Variants in PCNX4 observed in about 807,000 individuals in gnomAD.
The protein encoded by PCNX4 is pecanex-like protein 4.
PCNX4 carries 103 observed loss-of-function variants against 107.2 expected under a neutral mutation model. The ratio of observed to expected loss-of-function variants is 0.96; its 90% CI spans 0.82 to 1.13. PCNX4 has a LOEUF of 1.13. Ranked by LOEUF, PCNX4 falls within the 50% of genes most tolerant of loss-of-function variation. PCNX4 has a pLI of 0.00. For missense variants in PCNX4, 1,528 were observed against 1,379.4 expected, an observed-to-expected ratio of 1.11 and a Z score of -1.71; for synonymous variants, 541 against 481.7, an observed-to-expected ratio of 1.12 and a Z score of -1.61.
intron 2 of PCNX4, chr14:60,108,922 C>T (rs1244951810): frequency 1.8e-5 from 3 of 166,678 alleles, no homozygotes. Context: ...TTGCAGCTTT[C>T]TTTTCTTAGG....
chr14:60,116,016 A>C lies in PCNX4; in HGVS notation c.1534A>C (p.Ile512Leu), dbSNP rs1190907943. 1 of 1,612,964 alleles carries C rather than the reference A, an allele frequency of 6.2e-7. No homozygotes were observed. The highest frequency in any genetic ancestry group is 8.5e-7 in the Non-Finnish European group (1 of 1,179,402). The change falls in exon 6 of 11, where the codon ATA (isoleucine) becomes CTA (leucine). Residue 512 changes from isoleucine to leucine, a missense_variant. Physicochemically the swap from Ile to Leu is conservative, Grantham distance 5. Coordinates refer to ENST00000406854, the MANE Select transcript of PCNX4 (RefSeq NM_001330177.2). ...STVHLISSTD[I>L]WWNRSLDTGL... ...AGTACACTTGATCTCCAGTACAGAC[A>C]TATGGTGGAACAGAAGCCTGGATAC...
chr14:60,118,541 T>C lies in PCNX4; in HGVS notation c.1791T>C (p.Pro597=), dbSNP rs1399995509. 9.9e-6 allele frequency: 16 copies of C among 1,613,876 alleles called. No homozygotes were observed. In the East Asian group the frequency reaches 3.3e-4, roughly 34 times the overall value. The change falls in exon 7 of 11, where the codon CCT becomes CCC. Residue 597 remains proline (P), a synonymous_variant. Coordinates refer to ENST00000406854, the MANE Select transcript of PCNX4 (RefSeq NM_001330177.2). ...CCTTACTCCCTCTTTTCACCCTTCC[T>C]GTGTTCTTGGTGGGGTTTCCCCGAC... ...SSPLLPLFTL[P]VFLVGFPRPI...
chr14:60,115,314 A>T lies in PCNX4; in HGVS notation c.1210A>T (p.Ile404Leu). Reference sequence around the variant, plus strand: ...GATGATATTACTTATAATACTGTGGATACTTAGAGAAATTCAAAGCGTATA... The same window carrying T: ...GATGATATTACTTATAATACTGTGGTTACTTAGAGAAATTCAAAGCGTATA... ...GLMILLIILW[I>L]LREIQSVYII... The change falls in exon 4 of 11, where the codon ATA becomes TTA. Residue 404 changes from isoleucine (I) to leucine (L), a missense_variant. Physicochemically the swap from Ile to Leu is conservative, Grantham distance 5 (BLOSUM62 2). Transcript: ENST00000406854. 6.2e-7 allele frequency: 1 copy of T among 1,607,838 alleles called. No individual in the cohort carries two copies. Among genetic ancestry groups the T allele is most frequent in the Non-Finnish European group, 8.5e-7 (1 of 1,175,634 alleles).
rs1239195175 is a variant in PCNX4, at chr14:60,139,167, C to G, written c.*4946C>G. 1 of 151,704 alleles carries G rather than the reference C, an allele frequency of 6.6e-6. No individual in the cohort carries two copies. Among genetic ancestry groups the G allele is most frequent in the Non-Finnish European group, 1.5e-5 (1 of 67,906 alleles). 9.4% of individuals were successfully genotyped at this position (151,704 alleles called of 1,614,324 possible). ...GAATAGACAGTGTACCAATTAAATG[C>G]AAAGATCATCAAAGTGAAAAGAAAG... On this transcript the variant is annotated 3_prime_UTR_variant, in exon 11 of 11. Transcript: ENST00000406854.
chr14:60,124,927 G>C lies in PCNX4; in HGVS notation c.2756G>C (p.Ser919Thr), dbSNP rs763686748. The change falls in exon 9 of 11, where the codon AGC becomes ACC. Residue 919 changes from serine to threonine, a missense_variant. Physicochemically the swap from Ser to Thr is moderately conservative, Grantham distance 58. Coordinates refer to ENST00000406854, the MANE Select transcript of PCNX4 (RefSeq NM_001330177.2). The stretch of plus-strand genomic sequence containing the variant: ...TGCTTACCCGCAGAGTGGAGGACTA[G>C]CTGTATGCCCAGTTCCAAAATGAAG... ...LVCLPAEWRT[S>T]CMPSSKMKEM... The C allele has an allele frequency of 6.2e-6, 10 of 1,613,812 alleles. No individual in the cohort carries two copies. The highest frequency in any genetic ancestry group is 7.6e-6 in the Non-Finnish European group (9 of 1,179,762).
At chr14:60,105,193 C>T (rs1895607309) in intron 1 of PCNX4, among the ~76,000 whole-genome samples, 1 of 152,126 alleles carries the variant, frequency 6.6e-6, no homozygotes, top group African/African-American at 2.4e-5. Flanking sequence ...GTAGAACAAG[C>T]AGTGGTTTTG....
rs1895834924 is a variant in PCNX4, at chr14:60,115,769, G to C, written c.1408G>C (p.Gly470Arg). 1 of 1,613,252 alleles carries C rather than the reference G, an allele frequency of 6.2e-7. No homozygotes were observed. Among genetic ancestry groups the C allele is most frequent in the East Asian group, 2.2e-5 (1 of 44,840 alleles). Residue 470 changes from glycine (G) to arginine (R), a missense_variant, in exon 5 of 11, where the codon GGG (glycine) becomes CGG (arginine). Transcript: ENST00000406854. ...TCTTTCATTGGACAGTTCCTTACAA[G>C]GGCTCCACTCAGTGTCTGTCTGTAT... is the stretch of plus-strand genomic sequence containing the variant. ...AFLSLDSSLQ[G>R]LHSVSVCIGF...
At position 60,147,702 on chromosome 14, in the gene PCNX4, A is replaced by C. The variant is rs1896443556; in HGVS notation, c.*13481A>C. On this transcript the variant is annotated 3_prime_UTR_variant, in exon 11 of 11. Transcript: ENST00000406854. ...GTGACTGGGCACTATTATCATCATT[A>C]ATCTCCATCTTATATTAATAGATGG... 1 of 152,198 alleles carries C rather than the reference A, an allele frequency of 6.6e-6. No individual in the cohort carries two copies. Among genetic ancestry groups the C allele is most frequent in the Admixed American group, 6.5e-5 (1 of 15,274 alleles). The allele number at this position is 152,198 out of a possible 1,614,324, so 9.4% of individuals were successfully genotyped here.
intron 10 of PCNX4, chr14:60,133,586 G>C (rs368913827): frequency 2.3e-6 from 1 of 444,394 alleles, no homozygotes; most frequent in East Asian, 6.8e-5. Flanking sequence ...GAATTATATG[G>C]AATGTGAATT....
chr14:60,125,846 C>A, intron 10 of PCNX4, 23 bp downstream of exon 10: 1 of 1,482,500 alleles, frequency 6.7e-7, no homozygotes, highest in Non-Finnish European at 9.2e-7. Flanking sequence ...AATTTTTAAA[C>A]TTACATATAC....
At position 60,123,499 on chromosome 14, in the gene PCNX4, A is replaced by T. The variant is rs577058167; in HGVS notation, c.2047-719A>T. On this transcript the variant is annotated intron_variant, in intron 8 of 10. Coordinates refer to ENST00000406854, the MANE Select transcript of PCNX4 (RefSeq NM_001330177.2). Reference sequence around the variant, plus strand: ...CTGACACCTTTGTAAAAATATATAAATAAGCAATATTTAAATAAGCAGTAG... The same window carrying T: ...CTGACACCTTTGTAAAAATATATAATTAAGCAATATTTAAATAAGCAGTAG... Among the ~76,000 whole-genome samples the T allele has an allele frequency of 5.5e-5, 7 of 128,000 alleles. No homozygotes were observed. The South Asian group carries it at 1.9e-3, about 35-fold the overall frequency. 84.0% of individuals were successfully genotyped at this position (128,000 alleles called of 152,430 possible).
Position 60,134,351 on chromosome 14 carries a change from C to G in PCNX4, c.*130C>G, listed in dbSNP as rs765280384. 2 of 1,177,068 alleles carry G rather than the reference C, an allele frequency of 1.7e-6. No homozygotes were observed. Among genetic ancestry groups the G allele is most frequent in the African/African-American group, 3.1e-5 (2 of 64,816 alleles). The allele number at this position is 1,177,068 out of a possible 1,614,324, so 72.9% of individuals were successfully genotyped here. Reference sequence around the variant, plus strand: ...CAGATGCCTGAGAACAGCTAAGCTCCGTAAAGTTGGTTCTCTTAGCCATCT... The same window carrying G: ...CAGATGCCTGAGAACAGCTAAGCTCGGTAAAGTTGGTTCTCTTAGCCATCT... On this transcript the variant is annotated 3_prime_UTR_variant, in exon 11 of 11. Transcript: ENST00000406854.
At chr14:60,101,517 A>G (rs1363472366) in intron 1 of PCNX4, among the ~76,000 whole-genome samples, 1 of 152,212 alleles carries the variant, frequency 6.6e-6, no homozygotes, top group Non-Finnish European at 1.5e-5. Context: ...TAGTTGAGAC[A>G]AGTGCCTCAG....
chr14:60,120,846 T>C (rs1895939823), intron 7 of PCNX4, among the ~76,000 whole-genome samples: 1 of 152,184 alleles, frequency 6.6e-6, no homozygotes, highest in African/African-American at 2.4e-5. Flanking sequence ...GTCAAAAATA[T>C]TTTAAGTCAT....
In PCNX4 at chr14:60,133,991, C is replaced by T; in HGVS notation, c.3289C>T (p.Leu1097Phe). ...AAAGGGAATTTACACTGGGAGAGTG[C>T]TTAGCCTTCAAGAATTATTGATCCA... Reference protein sequence around the residue: ...SNMGIYTGRVLSLQELLIQVG... With the variant: ...SNMGIYTGRVFSLQELLIQVG... The change falls in exon 11 of 11, where the codon CTT (leucine) becomes TTT (phenylalanine). Residue 1097 changes from leucine to phenylalanine, a missense_variant. Coordinates refer to ENST00000406854, the MANE Select transcript of PCNX4 (RefSeq NM_001330177.2). 2.5e-6 allele frequency: 4 copies of T among 1,613,078 alleles called. No homozygotes were observed. Among genetic ancestry groups the T allele is most frequent in the Non-Finnish European group, 3.4e-6 (4 of 1,179,326 alleles).
In PCNX4 at chr14:60,146,911, G is replaced by A. The variant is rs1896420227; in HGVS notation, c.*12690G>A. On this transcript the variant is annotated 3_prime_UTR_variant, in exon 11 of 11. Transcript: ENST00000406854. The surrounding 1 kb of genome is among the most constrained non-coding windows in gnomAD (Gnocchi z 4.9). ...TGATGGTTGCCAGGAGCCAGAAGAT[G>A]GAGGAAATGGGGAGATCTTGGTCAA... 6.6e-6 allele frequency: 1 copy of A among 152,180 alleles called. No homozygotes were observed. The highest frequency in any genetic ancestry group is 2.4e-5 in the African/African-American group (1 of 41,428). 9.4% of individuals were successfully genotyped at this position (152,180 alleles called of 1,614,324 possible).
chr14:60,095,792 A>T (rs1013946383), intron 1 of PCNX4, among the ~76,000 whole-genome samples: 1 of 143,616 alleles, frequency 7.0e-6, no homozygotes, highest in Non-Finnish European at 1.5e-5. Flanking sequence ...CATGAAGGTT[A>T]AAAAAAAAAA....
intron 5 of PCNX4, 31 bp from the exon 6 acceptor site, chr14:60,115,910 C>A: frequency 6.3e-7 from 1 of 1,594,818 alleles, no homozygotes; most frequent in South Asian, 1.1e-5. Flanking sequence ...CTAATTCTAC[C>A]TGATAAAAAT....
chr14:60,128,968 T>G, intron 10 of PCNX4, among the ~76,000 whole-genome samples: 1 of 152,264 alleles, frequency 6.6e-6, no homozygotes, highest in East Asian at 1.9e-4. Flanking sequence ...ATCCCAGCAC[T>G]TTGGGAGGCC....
Sources: allele counts gnomAD v4.1 joint callset (sites outside exome capture counted in the v4.1 genomes callset), GRCh38; gene constraint gnomAD v4.1.1; non-coding constraint Gnocchi (gnomAD v3.1); transcripts MANE v1.5; gene names NCBI Gene and HGNC (gene_info 2026-07-23, HGNC 2026-07-21).